Variants in DNAJC12 observed in about 807,000 individuals in gnomAD.
DNAJC12 encodes the protein DnaJ heat shock protein family (Hsp40) member C12.
Under a neutral mutation model 28.5 loss-of-function variants are expected in DNAJC12, and 25 were observed. The ratio of observed to expected loss-of-function variants is 0.88; its 90% confidence interval spans 0.64 to 1.22. DNAJC12 has a LOEUF of 1.22. Ranked by LOEUF, DNAJC12 falls within the 50% of genes most tolerant of loss-of-function variation. The pLI, the probability that DNAJC12 is intolerant of heterozygous loss-of-function variation, is 0.00. For synonymous variants in DNAJC12, 77 were observed against 80.6 expected, an observed-to-expected ratio of 0.95 and a Z score of 0.24; for missense variants, 222 against 231.7, an observed-to-expected ratio of 0.96 and a Z score of 0.27.
At chr10:67,811,865 C>G (rs1384417307) in intron 2 of DNAJC12, among the ~76,000 whole-genome samples, 1 of 152,078 alleles carries the variant, frequency 6.6e-6, no homozygotes, top group Non-Finnish European at 1.5e-5. Context: ...CACAGTTTAT[C>G]CACTCCCTGT....
intron 2 of DNAJC12, among the ~76,000 whole-genome samples, chr10:67,817,285 G>A (rs1841925686): frequency 6.6e-6 from 1 of 152,186 alleles, no homozygotes; most frequent in Non-Finnish European, 1.5e-5. Context: ...CTACGAGAAT[G>A]CTGAGGCTTG....
chr10:67,823,410 G>C lies in DNAJC12; in HGVS notation c.79-18C>G. 1.2e-6 allele frequency: 2 copies of C among 1,611,608 alleles called. No individual in the cohort carries two copies. The highest frequency in any genetic ancestry group is 1.7e-6 in the Non-Finnish European group (2 of 1,178,058). On this transcript the variant is annotated intron_variant, in intron 1 of 4. Coordinates refer to ENST00000225171, the MANE Select transcript of DNAJC12 (RefSeq NM_021800.3). The stretch of plus-strand genomic sequence containing the variant: ...TGTTCAACCTGAAACAAAAATCAGT[G>C]TTTAAAATAAAGAGTCATGCCAGGC...
intron 2 of DNAJC12, among the ~76,000 whole-genome samples, chr10:67,819,108 C>A (rs1285308170): frequency 6.6e-6 from 1 of 152,014 alleles, no homozygotes; most frequent in Non-Finnish European, 1.5e-5. Context: ...CCGAGGCGGG[C>A]GGATCACGAG....
At position 67,823,302 on chromosome 10, in the gene DNAJC12, T is replaced by C. The variant is rs750819758; in HGVS notation, c.157+12A>G. 20 of 1,612,642 alleles carry C rather than the reference T, an allele frequency of 1.2e-5. No homozygotes were observed. Among genetic ancestry groups the C allele is most frequent in the East Asian group, 2.2e-5 (1 of 44,874 alleles). On this transcript the variant is annotated intron_variant, in intron 2 of 4. Transcript: ENST00000225171. ...TCATTTTCTTGAGAAGTAGCCTTTA[T>C]TAAGTTCTTACCAGCTTTGGGGTTT...
chr10:67,797,315 T>C, intron 4 of DNAJC12, 105 bp from the exon 5 acceptor site: 1 of 838,776 alleles, frequency 1.2e-6, no homozygotes, highest in Non-Finnish European at 1.9e-6. Flanking sequence ...AGGTACAATG[T>C]AAGGGTAAGA....
chr10:67,829,641 AAAAAAAT>A (rs1187143836), intron 1 of DNAJC12, among the ~76,000 whole-genome samples: 19 of 152,124 alleles, frequency 1.2e-4, no homozygotes, highest in South Asian at 2.1e-4. Flanking sequence ...ACTCCGTCTC[AAAAAAAT>A]AAAAAATAAA....
In DNAJC12 at chr10:67,826,795, A is replaced by T. The variant is rs556114981; in HGVS notation, c.79-3403T>A. ...TGATATATAATATATATCATTAGAT[A>T]TCAGATATATAATGATATATATAAT... On this transcript the variant is annotated intron_variant, in intron 1 of 4. Coordinates refer to ENST00000225171, the MANE Select transcript of DNAJC12 (RefSeq NM_021800.3). Among the ~76,000 whole-genome samples the T allele has an allele frequency of 5.8e-4, 71 of 123,454 alleles. 12 individuals carry two copies. Among genetic ancestry groups the T allele is most frequent in the Non-Finnish European group, 9.2e-4 (56 of 60,866 alleles). The allele number at this position is 123,454 out of a possible 152,430, so 81.0% of individuals were successfully genotyped here.
At chr10:67,832,265 C>CAAAAAAAAA (rs200725436) in intron 1 of DNAJC12, among the ~76,000 whole-genome samples, 3 of 67,378 alleles carry the variant, frequency 4.5e-5, no homozygotes, top group African/African-American at 1.1e-4. Flanking sequence ...AACTCCATCT[C>CAAAAAAAAA]AAAAAAAAAA....
intron 1 of DNAJC12, among the ~76,000 whole-genome samples, chr10:67,830,603 G>A (rs1259025622): frequency 4.9e-5 from 7 of 143,100 alleles, no homozygotes; most frequent in African/African-American, 1.1e-4. Flanking sequence ...GCAAGACTCC[G>A]TCTCAAAAAA....
chr10:67,811,175 G>T, intron 3 of DNAJC12: 1 of 538,172 alleles, frequency 1.9e-6, no homozygotes, highest in Non-Finnish European at 2.5e-6. Context: ...AAAAGATGGA[G>T]AATGTGAATT....
In DNAJC12 at chr10:67,838,126, A is replaced by G. The variant is rs1164808953; in HGVS notation, c.-115T>C. On this transcript the variant is annotated 5_prime_UTR_variant, in exon 1 of 5. Coordinates refer to ENST00000225171, the MANE Select transcript of DNAJC12 (RefSeq NM_021800.3). ...AGAGCAGCATGTTCCACATAGCAAA[A>G]ACTAGCTTTAAGACTGGCCACAGTC... The G allele has an allele frequency of 1.5e-6, 1 of 657,242 alleles. No homozygotes were observed. The allele number at this position is 657,242 out of a possible 1,614,324, so 40.7% of individuals were successfully genotyped here.
chr10:67,835,852 T>C (rs2131818940), intron 1 of DNAJC12, among the ~76,000 whole-genome samples: 1 of 151,962 alleles, frequency 6.6e-6, no homozygotes, highest in Non-Finnish European at 1.5e-5. Context: ...ATACATCCAG[T>C]AAAAGGAATG....
intron 1 of DNAJC12, among the ~76,000 whole-genome samples, chr10:67,826,312 T>G (rs1266765314): frequency 1.3e-5 from 2 of 151,408 alleles, no homozygotes; most frequent in Middle Eastern, 3.4e-3. Context: ...TTTTGCATGT[T>G]TTATAGAGAT....
At chr10:67,801,135 T>A (rs902256723) in intron 4 of DNAJC12, among the ~76,000 whole-genome samples, 7 of 152,164 alleles carry the variant, frequency 4.6e-5, no homozygotes, top group African/African-American at 1.7e-4. Flanking sequence ...AGAATTAGAA[T>A]GTGGTGGGGG....
intron 4 of DNAJC12, among the ~76,000 whole-genome samples, chr10:67,802,150 C>T (rs1349811885): frequency 6.6e-6 from 1 of 152,072 alleles, no homozygotes; most frequent in Non-Finnish European, 1.5e-5. Flanking sequence ...AGGCCCAAGC[C>T]ACTGCAGCTG....
At chr10:67,836,128 C>T (rs1433406324) in intron 1 of DNAJC12, among the ~76,000 whole-genome samples, 7 of 151,566 alleles carry the variant, frequency 4.6e-5, no homozygotes, top group Admixed American at 4.6e-4. Context: ...TGTTCTCACT[C>T]ATAAGTGGGA....
rs144099184 is a variant in DNAJC12, at chr10:67,814,357, G to T, written c.158-2694C>A. 4.0e-5 allele frequency among the ~76,000 whole-genome samples: 6 copies of T among 151,762 alleles called. No homozygotes were observed. The East Asian group carries it at 1.2e-3, about 29-fold the overall frequency. Reference sequence around the variant, plus strand: ...CTACCTTAAGCTATAAACAAATATTGACTCAAATGGATCACAGATCCAAAT... The same window carrying T: ...CTACCTTAAGCTATAAACAAATATTTACTCAAATGGATCACAGATCCAAAT... On this transcript the variant is annotated intron_variant, in intron 2 of 4. Transcript: ENST00000225171.
chr10:67,836,304 A>G (rs1441929501), intron 1 of DNAJC12, among the ~76,000 whole-genome samples: 5 of 151,434 alleles, frequency 3.3e-5, no homozygotes, highest in Non-Finnish European at 2.9e-5. Flanking sequence ...ACCCTGGCAC[A>G]TGTGTATCTA....
chr10:67,802,903 T>A (rs1295079372), intron 4 of DNAJC12, among the ~76,000 whole-genome samples: 1 of 150,078 alleles, frequency 6.7e-6, no homozygotes, highest in Admixed American at 6.7e-5. Flanking sequence ...CAGGCTGGAG[T>A]ACAGTGGTGC....
Sources: allele counts gnomAD v4.1 joint callset (sites outside exome capture counted in the v4.1 genomes callset), GRCh38; gene constraint gnomAD v4.1.1; transcripts MANE v1.5; gene names NCBI Gene and HGNC (gene_info 2026-07-23, HGNC 2026-07-21).